DNAH11: variants seen among roughly 807,000 people sequenced by gnomAD.
DNAH11 encodes the protein dynein axonemal heavy chain 11, also known as axonemal beta dynein heavy chain 11.
A neutral mutation model predicts 526.0 loss-of-function variants in DNAH11; 442 were observed. That is an observed-to-expected ratio of 0.84 (90% CI 0.78 to 0.91). DNAH11 has a LOEUF of 0.91. Among genes scored for constraint, DNAH11 ranks in the 40% least tolerant of loss-of-function variants. DNAH11 has a pLI of 0.00. For missense variants in DNAH11, 6,989 were observed against 5,448.7 expected, an observed-to-expected ratio of 1.28 and a Z score of -8.90; for synonymous variants, 2,461 against 1,935.9, an observed-to-expected ratio of 1.27 and a Z score of -7.12.
chr7:21,704,721 AC>A (rs1355452521), intron 38 of DNAH11, 93 bp downstream of exon 38: 26 of 1,368,176 alleles, frequency 1.9e-5, no homozygotes, highest in Non-Finnish European at 2.6e-5. Flanking sequence ...GTTAACTTGT[AC>A]CCTAACCTTA....
chr7:21,728,896 A>G (rs866696063), intron 45 of DNAH11, among the ~76,000 whole-genome samples: 8 of 152,240 alleles, frequency 5.3e-5, no homozygotes, highest in African/African-American at 9.6e-5. Context: ...CTTTGGCTCA[A>G]TGCCCTGTAC....
In DNAH11 at chr7:21,659,162, A is replaced by C. The variant is rs9639389; in HGVS notation, c.5328+131A>C. On this transcript the variant is annotated intron_variant, in intron 30 of 81. Transcript: ENST00000409508. ...AATACTATGCTGGGAAGATTTTAGC[A>C]ATCAGTTGTTAAATCATTTTTTACC... 0.48 allele frequency: 375,403 copies of C among 774,396 alleles called. 95,220 individuals carry two copies. The highest frequency in any genetic ancestry group is 0.64 in the Admixed American group (21,271 of 33,492). The allele number at this position is 774,396 out of a possible 1,614,324, so 48.0% of individuals were successfully genotyped here. A position where few individuals can be genotyped will look rare whatever the true frequency, so the allele number is the denominator to read the frequency against.
chr7:21,861,844 A>G lies in DNAH11; in HGVS notation c.11203-9A>G, dbSNP rs1783074282. 6.2e-7 allele frequency: 1 copy of G among 1,609,990 alleles called. No individual in the cohort carries two copies. The highest frequency in any genetic ancestry group is 2.2e-5 in the East Asian group (1 of 44,698). On this transcript the variant is annotated splice_polypyrimidine_tract_variant and intron_variant, in intron 68 of 81. Transcript: ENST00000409508. ...TGTCACATTTTAATGGTCACATTAA[A>G]TTTCCCAGGCTTTTAACGTGCTGTT...
At chr7:21,556,032 TTTA>T (rs1267677943) in intron 2 of DNAH11, among the ~76,000 whole-genome samples, 1 of 152,166 alleles carries the variant, frequency 6.6e-6, no homozygotes, top group African/African-American at 2.4e-5. Context: ...CAGCAGGTCA[TTTA>T]TCTCCTAGCA....
intron 79 of DNAH11, 149 bp from the exon 80 acceptor site, chr7:21,899,187 C>A (rs1231275548): frequency 1.5e-6 from 1 of 672,282 alleles, no homozygotes; most frequent in Non-Finnish European, 2.7e-6. Flanking sequence ...GGACAGTGCC[C>A]TGCAAATTGT....
chr7:21,698,696 G>A (rs1347559799), intron 36 of DNAH11, among the ~76,000 whole-genome samples: 2 of 152,114 alleles, frequency 1.3e-5, no homozygotes, highest in Non-Finnish European at 2.9e-5. Context: ...ATATACCACA[G>A]TTTCTTTATC....
At chr7:21,577,875 A>G (rs1784160198) in intron 8 of DNAH11, among the ~76,000 whole-genome samples, 1 of 152,172 alleles carries the variant, frequency 6.6e-6, no homozygotes, top group Admixed American at 6.5e-5. Flanking sequence ...GATAATAGAG[A>G]TTTTGGAATT....
At chr7:21,771,786 T>C (rs1787443686) in intron 55 of DNAH11, among the ~76,000 whole-genome samples, 1 of 152,038 alleles carries the variant, frequency 6.6e-6, no homozygotes, top group South Asian at 2.1e-4. Context: ...AAATACAGCA[T>C]TGCGTAGCCC....
intron 81 of DNAH11, 103 bp from the exon 82 acceptor site, chr7:21,900,904 C>T (rs1161563364): frequency 3.8e-5 from 56 of 1,476,118 alleles, no homozygotes; most frequent in Non-Finnish European, 4.8e-5. Flanking sequence ...AAAAATATGA[C>T]AAAACCAGAA....
chr7:21,873,645 G>A, intron 74 of DNAH11, 144 bp downstream of exon 74: 1 of 746,808 alleles, frequency 1.3e-6, no homozygotes, highest in South Asian at 1.7e-5. Context: ...GGGTGGGCGT[G>A]TTTTAATCTC....
Position 21,867,948 on chromosome 7 carries a change from C to T in DNAH11, c.11780C>T (p.Thr3927Ile). 1.3e-6 allele frequency: 2 copies of T among 1,569,316 alleles called. No homozygotes were observed. Among genetic ancestry groups the T allele is most frequent in the South Asian group, 2.3e-5 (2 of 85,128 alleles). The change falls in exon 72 of 82, where the codon ACC becomes ATC. Residue 3927 changes from threonine to isoleucine, a missense_variant. Transcript: ENST00000409508. ...GCATTCGAAGAAAGCAGCCCAGCCA[C>T]CCCCATATTCTTCATCCTGTCTCCG... ...VKAFEESSPA[T>I]PIFFILSPGV...
chr7:21,729,030 T>C (rs1016392824), intron 45 of DNAH11, among the ~76,000 whole-genome samples: 20 of 152,190 alleles, frequency 1.3e-4, no homozygotes, highest in African/African-American at 4.8e-4. Context: ...ACAGAAGTGG[T>C]GACCCCATCC....
intron 61 of DNAH11, among the ~76,000 whole-genome samples, chr7:21,796,178 A>T (rs1788707935): frequency 6.6e-6 from 1 of 152,244 alleles, no homozygotes; most frequent in Non-Finnish European, 1.5e-5. Flanking sequence ...AGTCCCTGAC[A>T]GTCATGAATA....
chr7:21,804,494 A>G (rs1272007313), intron 62 of DNAH11, among the ~76,000 whole-genome samples: 1 of 152,222 alleles, frequency 6.6e-6, no homozygotes, highest in Non-Finnish European at 1.5e-5. Context: ...TCTGAAATGC[A>G]TAGTTCATTA....
chr7:21,766,336 A>C (rs1787184133), intron 55 of DNAH11, among the ~76,000 whole-genome samples: 1 of 152,224 alleles, frequency 6.6e-6, no homozygotes, highest in Non-Finnish European at 1.5e-5. Flanking sequence ...CTTTCTGATT[A>C]CATAGCTTGG....
intron 55 of DNAH11, among the ~76,000 whole-genome samples, chr7:21,765,916 TGG>T (rs554686798): frequency 1.9e-3 from 284 of 152,276 alleles, no homozygotes; most frequent in African/African-American, 6.5e-3. Context: ...TGAATCATAA[TGG>T]GGCTTGCTGA....
chr7:21,606,753 T>C lies in DNAH11; in HGVS notation c.3852+20T>C. 2.5e-6 allele frequency: 4 copies of C among 1,576,030 alleles called. No individual in the cohort carries two copies. Among genetic ancestry groups the C allele is most frequent in the Non-Finnish European group, 3.5e-6 (4 of 1,154,368 alleles). On this transcript the variant is annotated intron_variant, in intron 20 of 81. Transcript: ENST00000409508. ...GATAAGGTAATACAGATCTCAAATATCCTGTGTGCATTAAAATAGCTACTT... is the reference window on the plus strand; with the variant it reads ...GATAAGGTAATACAGATCTCAAATACCCTGTGTGCATTAAAATAGCTACTT...
chr7:21,787,118 G>A (rs1452527414), intron 59 of DNAH11, among the ~76,000 whole-genome samples: 1 of 152,186 alleles, frequency 6.6e-6, no homozygotes, highest in Non-Finnish European at 1.5e-5. Flanking sequence ...GATTTTTGGT[G>A]TGTTTTTTGC....
intron 26 of DNAH11, among the ~76,000 whole-genome samples, chr7:21,636,756 C>T (rs914740315): frequency 1.3e-5 from 2 of 152,074 alleles, no homozygotes; most frequent in Admixed American, 1.3e-4. Flanking sequence ...AATTTAAAAA[C>T]CATTTTTAGC....
Sources: gnomAD v4.1 joint callset for allele counts (sites outside exome capture counted in the v4.1 genomes callset) on GRCh38, gnomAD v4.1.1 for gene constraint, MANE v1.5 for transcripts, NCBI Gene and HGNC (gene_info 2026-07-23, HGNC 2026-07-21) for gene names.